The following ERCC2 variants were observed in gnomAD, a reference collection of about 807,000 sequenced individuals.
The protein encoded by ERCC2 is ERCC excision repair 2, TFIIH core complex helicase subunit, also known as general transcription and DNA repair factor IIH helicase subunit XPD.
Under a neutral mutation model 99.4 loss-of-function variants are expected in ERCC2, and 90 were observed. The ratio of observed to expected loss-of-function variants is 0.91; its 90% CI spans 0.76 to 1.08. The LOEUF is 1.08. Ranked by LOEUF, ERCC2 falls within the 50% of genes least tolerant of loss-of-function variation. The pLI is 0.00. For missense variants in ERCC2, 993 were observed against 1,038.1 expected, an observed-to-expected ratio of 0.96 and a Z score of 0.60; for synonymous variants, 497 against 432.4, an observed-to-expected ratio of 1.15 and a Z score of -1.85.
chr19:45,360,489 T>C (rs1198382818), intron 12 of ERCC2, among the ~76,000 whole-genome samples: 1 of 151,708 alleles, frequency 6.6e-6, no homozygotes, highest in Non-Finnish European at 1.5e-5. Flanking sequence ...GCAATTCTCC[T>C]GCCTCAGCCT....
At chr19:45,361,666 C>A in intron 11 of ERCC2, 24 bp from the exon 12 acceptor site, 1 of 1,547,842 alleles carries the variant, frequency 6.5e-7, no homozygotes, top group South Asian at 1.1e-5. Flanking sequence ...GAGACGGGGT[C>A]GGGGGGCAGA....
At chr19:45,359,171 A>G (rs776667342) in intron 12 of ERCC2, among the ~76,000 whole-genome samples, 14 of 152,040 alleles carry the variant, frequency 9.2e-5, no homozygotes, top group Non-Finnish European at 1.9e-4. Flanking sequence ...GGAGGACAAG[A>G]CATCTCTACT....
chr19:45,354,586 C>T (rs1971947349), intron 17 of ERCC2, 144 bp downstream of exon 17: 5 of 1,022,962 alleles, frequency 4.9e-6, no homozygotes, highest in Non-Finnish European at 6.0e-6. Context: ...GTGCTGCTTA[C>T]ACCCCATTCC....
intron 5 of ERCC2, 27 bp from the exon 6 acceptor site, chr19:45,365,185 C>A: frequency 6.3e-7 from 1 of 1,587,824 alleles, no homozygotes; most frequent in Non-Finnish European, 8.6e-7. Flanking sequence ...TCTTAGCACC[C>A]AGACAGGGTG....
At chr19:45,364,702 T>TAA (rs1368622318) in intron 7 of ERCC2, 136 bp downstream of exon 7, 6 of 1,289,436 alleles carry the variant, frequency 4.7e-6, no homozygotes, top group African/African-American at 1.5e-5. Flanking sequence ...GACCAACAGA[T>TAA]ACGGGCACCC....
chr19:45,351,104 T>G lies in ERCC2; in HGVS notation c.*525A>C. The stretch of plus-strand genomic sequence containing the variant: ...AAAGGCAGGGCGGTCGGGCCAGTGG[T>G]GGAGTCAGCAGGTGGTGGGTTGGTG... On this transcript the variant is annotated 3_prime_UTR_variant, in exon 23 of 23. Transcript: ENST00000391945. 1 of 1,609,064 alleles carries G rather than the reference T, an allele frequency of 6.2e-7. No individual in the cohort carries two copies. The highest frequency in any genetic ancestry group is 1.1e-5 in the South Asian group (1 of 90,664).
intron 7 of ERCC2, 142 bp downstream of exon 7, chr19:45,364,696 A>G: frequency 7.5e-7 from 1 of 1,328,362 alleles, no homozygotes; most frequent in Non-Finnish European, 1.1e-6. Context: ...GAGACAGACC[A>G]ACAGATACGG....
intron 5 of ERCC2, among the ~76,000 whole-genome samples, chr19:45,366,973 T>C (rs1236458921): frequency 6.6e-6 from 1 of 151,978 alleles, no homozygotes; most frequent in Non-Finnish European, 1.5e-5. Flanking sequence ...AGGTGGAGGT[T>C]GTGGTGAACC....
chr19:45,350,561 G>GGCTGT lies in ERCC2; in HGVS notation c.*1063_*1067dup. 6.2e-7 allele frequency: 1 copy of GGCTGT among 1,613,948 alleles called. No individual in the cohort carries two copies. Among genetic ancestry groups the GGCTGT allele is most frequent in the Non-Finnish European group, 8.5e-7 (1 of 1,179,980 alleles). ...TGGTGACGCAGAACAGGTGAGGATG[G>GGCTGT]GCTGTGCTTCGGCTCCTGGGGTGGG... is the stretch of plus-strand genomic sequence containing the variant. On this transcript the variant is annotated 3_prime_UTR_variant, in exon 23 of 23. Coordinates refer to ENST00000391945, the MANE Select transcript of ERCC2 (RefSeq NM_000400.4).
Position 45,353,163 on chromosome 19 carries a change from G to A in ERCC2, c.1759-8C>T. The A allele has an allele frequency of 1.2e-6, 2 of 1,613,872 alleles. No individual in the cohort carries two copies. The highest frequency in any genetic ancestry group is 1.7e-6 in the Non-Finnish European group (2 of 1,179,918). ...GCGGCCATTCTCGCAGGCCTGAGGTGGGGAGACCGAGACGCAAGTTAGGTC... is the reference window on the plus strand; with the variant it reads ...GCGGCCATTCTCGCAGGCCTGAGGTAGGGAGACCGAGACGCAAGTTAGGTC... On this transcript the variant is annotated splice_region_variant and splice_polypyrimidine_tract_variant and intron_variant, in intron 18 of 22. Transcript: ENST00000391945.
At chr19:45,365,189 C>G (rs1327896275) in intron 5 of ERCC2, 31 bp from the exon 6 acceptor site, 1 of 1,573,608 alleles carries the variant, frequency 6.4e-7, no homozygotes, top group Non-Finnish European at 8.7e-7. Context: ...AGCACCCAGA[C>G]AGGGTGGAAA....
In ERCC2 at chr19:45,364,001, C is replaced by G; in HGVS notation, c.934G>C (p.Asp312His). 6.5e-7 allele frequency: 1 copy of G among 1,543,764 alleles called. No individual in the cohort carries two copies. The highest frequency in any genetic ancestry group is 8.7e-7 in the Non-Finnish European group (1 of 1,146,982). Residue 312 changes from aspartate to histidine, a missense_variant, in exon 10 of 23, where the codon GAC becomes CAC. Around this residue, in one of 3 missense-constraint regions of ERCC2, gnomAD observed 909 missense variants for 930.8 expected, o/e 0.98. Coordinates refer to ENST00000391945, the MANE Select transcript of ERCC2 (RefSeq NM_000400.4). ...DAHLANPVLP[D>H]EVLQEAVPGS... Reference sequence around the variant, plus strand: ...CGGGGCTCACCCTGCAGCACTTCGTCGGGCAGCACGGGGTTGGCCAGGTGG... The same window carrying G: ...CGGGGCTCACCCTGCAGCACTTCGTGGGGCAGCACGGGGTTGGCCAGGTGG...
intron 15 of ERCC2, among the ~76,000 whole-genome samples, chr19:45,356,095 C>T (rs1036742330): frequency 1.3e-5 from 2 of 152,152 alleles, no homozygotes; most frequent in South Asian, 2.1e-4. Context: ...AAAGATGGAA[C>T]CGGACCCGAG....
intron 8 of ERCC2, 39 bp downstream of exon 8, chr19:45,364,385 A>G: frequency 6.2e-7 from 1 of 1,613,740 alleles, no homozygotes; most frequent in Non-Finnish European, 8.5e-7. Context: ...CCTCACTCAG[A>G]GGGGCTGGCA....
In ERCC2 at chr19:45,354,713, G is replaced by A; in HGVS notation, c.1665+17C>T. ...GACTGAGGAGAGCAGGTGCAGGGAG[G>A]GGGTGGCCAGGCGTACCTGCTCATA... On this transcript the variant is annotated intron_variant, in intron 17 of 22. Transcript: ENST00000391945. The A allele has an allele frequency of 3.7e-6, 6 of 1,613,416 alleles. No individual in the cohort carries two copies. Among genetic ancestry groups the A allele is most frequent in the Non-Finnish European group, 4.2e-6 (5 of 1,179,734 alleles).
chr19:45,358,834 C>G, intron 12 of ERCC2: 1 of 780,768 alleles, frequency 1.3e-6, no homozygotes, highest in East Asian at 2.4e-5. Flanking sequence ...ACTGGTTTTC[C>G]CATCTGGAAT....
chr19:45,357,296 G>A lies in ERCC2; in HGVS notation c.1453C>T (p.Leu485=), dbSNP rs1972044590. ...ATAGGGCAGAGGCAGACCCGTGCCA[G>A]CGTCATGGTGAAGGTTGCCATGGTG... ...PVTMATFTMT[L]ARVCLCPMII... The change falls in exon 15 of 23, where the codon CTG becomes TTG. Residue 485 remains leucine (L), a synonymous_variant. Coordinates refer to ENST00000391945, the MANE Select transcript of ERCC2 (RefSeq NM_000400.4). The A allele has an allele frequency of 1.2e-6, 2 of 1,614,008 alleles. No individual in the cohort carries two copies. The highest frequency in any genetic ancestry group is 1.7e-6 in the Non-Finnish European group (2 of 1,179,862).
In ERCC2 at chr19:45,350,159, C is replaced by T. The variant is rs972901119; in HGVS notation, c.*1470G>A. 28 of 599,186 alleles carry T rather than the reference C, an allele frequency of 4.7e-5. No homozygotes were observed. The highest frequency in any genetic ancestry group is 1.7e-4 in the African/African-American group (9 of 53,696). The allele number at this position is 599,186 out of a possible 1,614,324, so 37.1% of individuals were successfully genotyped here. A position where few individuals can be genotyped will look rare whatever the true frequency, so the allele number is the denominator to read the frequency against. ...AAGTGGGGCCAGACGTGGTGGTTCA[C>T]GCTTGTAACCCCAACACTTTGGGAG... On this transcript the variant is annotated 3_prime_UTR_variant, in exon 23 of 23. Coordinates refer to ENST00000391945, the MANE Select transcript of ERCC2 (RefSeq NM_000400.4).
At chr19:45,364,176 A>ACAGGGGC in intron 9 of ERCC2, 57 bp from the exon 10 acceptor site, 3 of 1,611,604 alleles carry the variant, frequency 1.9e-6, no homozygotes, top group Non-Finnish European at 2.5e-6. Context: ...GACAAGTCAG[A>ACAGGGGC]CAGGGGCCAG....
Sources: gnomAD v4.1 joint callset for allele counts (sites outside exome capture counted in the v4.1 genomes callset) on GRCh38, gnomAD v4.1.1 for gene constraint, gnomAD v4.1.1 regional missense constraint, MANE v1.5 for transcripts, NCBI Gene and HGNC (gene_info 2026-07-23, HGNC 2026-07-21) for gene names.